The following RAB30 variants were observed in gnomAD, a reference collection of about 807,000 sequenced individuals.
RAB30 encodes ras-related protein Rab-30.
RAB30 carries 9 observed loss-of-function variants against 25.1 expected under a neutral mutation model. The observed-to-expected ratio is 0.36, with a 90% confidence interval of 0.22 to 0.63. RAB30 has a LOEUF of 0.63. RAB30 is among the 20% of genes least tolerant of loss of function. The pLI, the probability that RAB30 is intolerant of heterozygous loss-of-function variation, is 0.69. For synonymous variants in RAB30, 77 were observed against 86.4 expected, an observed-to-expected ratio of 0.89 and a Z score of 0.60; for missense variants, 140 against 243.5, an observed-to-expected ratio of 0.58 and a Z score of 2.83.
intron 1 of RAB30, among the ~76,000 whole-genome samples, chr11:83,046,462 C>T (rs976134588): frequency 2.0e-5 from 3 of 152,066 alleles, no homozygotes; most frequent in African/African-American, 7.2e-5. Context: ...CCAAATCCAG[C>T]CTATATCTCT....
At chr11:83,054,280 G>A (rs1397419205) in intron 1 of RAB30, among the ~76,000 whole-genome samples, 1 of 152,126 alleles carries the variant, frequency 6.6e-6, no homozygotes, top group Non-Finnish European at 1.5e-5. Flanking sequence ...TGACCATACT[G>A]TATGATAATC....
chr11:83,066,295 G>A (rs954272907), intron 1 of RAB30, among the ~76,000 whole-genome samples: 2 of 152,168 alleles, frequency 1.3e-5, no homozygotes, highest in Non-Finnish European at 2.9e-5. Context: ...TAAAAGTGAG[G>A]AGGCATTTTC....
chr11:83,037,446 C>T (rs1304229107), intron 1 of RAB30, among the ~76,000 whole-genome samples: 4 of 152,074 alleles, frequency 2.6e-5, no homozygotes, highest in African/African-American at 7.2e-5. Flanking sequence ...GACAGGGTTT[C>T]GCCATGTTGG....
chr11:82,991,506 C>CAAAAAAAAAAAA (rs35298951), intron 3 of RAB30, among the ~76,000 whole-genome samples: 2 of 65,870 alleles, frequency 3.0e-5, no homozygotes, highest in East Asian at 4.9e-4. Context: ...GACCCTTTCT[C>CAAAAAAAAAAAA]AAAAAAAAAA....
chr11:83,024,149 T>C (rs991849918), intron 1 of RAB30, among the ~76,000 whole-genome samples: 7 of 152,246 alleles, frequency 4.6e-5, no homozygotes, highest in African/African-American at 1.7e-4. Flanking sequence ...ATCAGAAGAA[T>C]ATCACCAACT....
intron 3 of RAB30, among the ~76,000 whole-genome samples, chr11:82,993,588 A>T (rs1257224107): frequency 6.6e-6 from 1 of 152,160 alleles, no homozygotes; most frequent in African/African-American, 2.4e-5. Flanking sequence ...ATCCTTTCCC[A>T]TACTCCTCAT....
chr11:83,056,818 G>A (rs1489295188), intron 1 of RAB30, among the ~76,000 whole-genome samples: 1 of 152,088 alleles, frequency 6.6e-6, no homozygotes, highest in Admixed American at 6.5e-5. Context: ...TGTTAACACA[G>A]TGCTTGGCAG....
intron 1 of RAB30, among the ~76,000 whole-genome samples, chr11:83,035,008 C>T (rs1857957402): frequency 6.6e-6 from 1 of 151,518 alleles, no homozygotes; most frequent in Non-Finnish European, 1.5e-5. Context: ...ATTTATTGAC[C>T]ACTGGCTATG....
At chr11:83,046,465 A>G (rs1353189080) in intron 1 of RAB30, among the ~76,000 whole-genome samples, 4 of 152,056 alleles carry the variant, frequency 2.6e-5, no homozygotes, top group Non-Finnish European at 5.9e-5. Context: ...AATCCAGCCT[A>G]TATCTCTACC....
At chr11:83,044,233 T>A (rs1407051000) in intron 1 of RAB30, among the ~76,000 whole-genome samples, 1 of 152,174 alleles carries the variant, frequency 6.6e-6, no homozygotes, top group Admixed American at 6.5e-5. Context: ...CCCCTGAAAA[T>A]CCCTAAAGAA....
intron 1 of RAB30, among the ~76,000 whole-genome samples, chr11:83,064,636 G>A (rs1858654312): frequency 6.6e-6 from 1 of 152,134 alleles, no homozygotes; most frequent in African/African-American, 2.4e-5. Flanking sequence ...CAGCCCATAG[G>A]CTGATTAAAT....
intron 1 of RAB30, among the ~76,000 whole-genome samples, chr11:83,060,952 C>T (rs1399316948): frequency 3.3e-5 from 5 of 152,208 alleles, no homozygotes; most frequent in African/African-American, 1.2e-4. Context: ...ACACTACACT[C>T]TTCCTCTCCT....
intron 1 of RAB30, among the ~76,000 whole-genome samples, chr11:83,065,825 A>G (rs1858684044): frequency 6.6e-6 from 1 of 152,142 alleles, no homozygotes; most frequent in Non-Finnish European, 1.5e-5. Context: ...CCTCCCAACA[A>G]CCTTACAAAG....
chr11:83,051,624 C>G (rs1334575502), intron 1 of RAB30, among the ~76,000 whole-genome samples: 1 of 151,860 alleles, frequency 6.6e-6, no homozygotes, highest in Non-Finnish European at 1.5e-5. Context: ...TGACAGTCCA[C>G]GAAAGACCCT....
chr11:83,032,743 A>G (rs1289636834), intron 1 of RAB30, among the ~76,000 whole-genome samples: 1 of 152,216 alleles, frequency 6.6e-6, no homozygotes, highest in African/African-American at 2.4e-5. Flanking sequence ...TAGCTAGAAC[A>G]CAGGGTTTGA....
chr11:83,022,217 A>G (rs115182291), intron 1 of RAB30, among the ~76,000 whole-genome samples: 2,487 of 152,254 alleles, frequency 0.016, 72 homozygotes, highest in African/African-American at 0.057. Context: ...GGAATCCAGT[A>G]GCACGATCAC....
chr11:83,061,686 A>G (rs923076285), intron 1 of RAB30, among the ~76,000 whole-genome samples: 2 of 137,146 alleles, frequency 1.5e-5, no homozygotes, highest in Admixed American at 1.4e-4. Flanking sequence ...TTGTTTTTTT[A>G]GGTGGGATTT....
rs140500646 is a variant in RAB30 at position 83,068,247 on chromosome 11, G to A, written c.-9+3444C>T. Among the ~76,000 whole-genome samples, 367 of 151,188 alleles carry A rather than the reference G, an allele frequency of 2.4e-3. 1 individual carries two copies. Among genetic ancestry groups the A allele is most frequent in the African/African-American group, 8.4e-3 (345 of 41,142 alleles). The stretch of plus-strand genomic sequence containing the variant: ...TGGGAGGCGGAGGTTGCAATGAGCC[G>A]AGATTGCGCCATTGTACTCCAGCAA... On this transcript the variant is annotated intron_variant, in intron 1 of 4. Transcript: ENST00000527633.
intron 1 of RAB30, among the ~76,000 whole-genome samples, chr11:83,065,769 C>A (rs1422209225): frequency 2.0e-5 from 3 of 152,096 alleles, no homozygotes; most frequent in Admixed American, 1.3e-4. Context: ...CCAGCTATAC[C>A]AAGCATAGTG....
Sources: gnomAD v4.1 joint callset for allele counts (sites outside exome capture counted in the v4.1 genomes callset) on GRCh38, gnomAD v4.1.1 for gene constraint, MANE v1.5 for transcripts, NCBI Gene and HGNC (gene_info 2026-07-23, HGNC 2026-07-21) for gene names.